The following CHODL variants were observed in gnomAD, a reference collection of about 807,000 sequenced individuals.
The protein encoded by CHODL is transmembrane protein MT75.
In CHODL, 29 loss-of-function variants were observed where a neutral mutation model predicts 34.5. That is an observed-to-expected ratio of 0.84 (90% confidence interval 0.63 to 1.15). The LOEUF is 1.15. Ranked by LOEUF, CHODL falls within the 50% of genes most tolerant of loss-of-function variation. The probability of loss-of-function intolerance (pLI) is 0.00; values close to 1 mark genes in which losing one functional copy is unlikely to be tolerated. For missense variants in CHODL, 332 were observed against 332.5 expected (o/e 1.00, Z 0.01); for synonymous variants, 125 against 116.1 (o/e 1.08, Z -0.49).
intron 2 of CHODL, among the ~76,000 whole-genome samples, chr21:18,184,796 G>A (rs2073421698): frequency 6.6e-6 from 1 of 152,148 alleles, no homozygotes; most frequent in Admixed American, 6.5e-5. Flanking sequence ...CTAAAGCCCA[G>A]TAACTGGTAT....
chr21:18,019,069 A>T (rs1025318451), intron 1 of CHODL, among the ~76,000 whole-genome samples: 9 of 152,236 alleles, frequency 5.9e-5, no homozygotes, highest in Non-Finnish European at 1.0e-4. Context: ...AACAATAAAG[A>T]TAAAAATGAT....
chr21:18,181,386 C>T (rs1391225388), intron 2 of CHODL, among the ~76,000 whole-genome samples: 1 of 152,102 alleles, frequency 6.6e-6, no homozygotes, highest in Non-Finnish European at 1.5e-5. Context: ...AACTATTAAT[C>T]ACTTTTTTGT....
At chr21:18,170,258 T>C (rs570235352) in intron 2 of CHODL, among the ~76,000 whole-genome samples, 1 of 152,102 alleles carries the variant, frequency 6.6e-6, no homozygotes, top group Non-Finnish European at 1.5e-5. Context: ...CTTTGGTTGC[T>C]CTTTGTATAG....
At position 18,265,358 on chromosome 21, in the gene CHODL, T is replaced by A. The variant is rs186382564; in HGVS notation, c.738-596T>A. ...TACTCATCCATACAAAGGAGTGAAT[T>A]AACGGCATTCACAGCGACCTGGGTA... On this transcript the variant is annotated intron_variant, in intron 5 of 5. Coordinates refer to ENST00000299295, the MANE Select transcript of CHODL (RefSeq NM_024944.3). 7.8e-3 allele frequency among the ~76,000 whole-genome samples: 1,173 copies of A among 151,310 alleles called. 10 individuals carry two copies. Among genetic ancestry groups the A allele is most frequent in the Non-Finnish European group, 0.012 (840 of 67,870 alleles).
chr21:17,993,581 C>A lies in CHODL; in HGVS notation c.-144-34291C>A, dbSNP rs146828856. 5.4e-3 allele frequency among the ~76,000 whole-genome samples: 827 copies of A among 152,230 alleles called. 6 individuals are homozygous for A. The highest frequency in any genetic ancestry group is 0.013 in the African/African-American group (547 of 41,546). The stretch of plus-strand genomic sequence containing the variant: ...TTTATGGTTACATAATATTCCATGG[C>A]AAATATGTACCACATTTTCTTTATC... On this transcript the variant is annotated intron_variant, in intron 1 of 6. Coordinates refer to the CHODL transcript ENST00000400127.
At chr21:18,218,765 T>A (rs2073855097) in intron 2 of CHODL, among the ~76,000 whole-genome samples, 1 of 152,156 alleles carries the variant, frequency 6.6e-6, no homozygotes, top group South Asian at 2.1e-4. Flanking sequence ...TCCACAGATC[T>A]CTGGGGCAGG....
At chr21:18,239,988 C>CT (rs989651845), upstream of CHODL, among the ~76,000 whole-genome samples, 1 of 151,784 alleles carries the variant, frequency 6.6e-6, no homozygotes, top group Middle Eastern at 3.4e-3. Flanking sequence ...AGATGTTAAG[C>CT]TTTTTTTTCT....
intron 5 of CHODL, among the ~76,000 whole-genome samples, chr21:18,264,076 C>T (rs923857913): frequency 6.6e-6 from 1 of 152,138 alleles, no homozygotes; most frequent in Non-Finnish European, 1.5e-5. Context: ...ACCAAAACAG[C>T]TAAATCTAAG....
chr21:18,109,307 G>C (rs941789886), intron 2 of CHODL, among the ~76,000 whole-genome samples: 1 of 152,136 alleles, frequency 6.6e-6, no homozygotes, highest in African/African-American at 2.4e-5. Context: ...ATGCTTAGTA[G>C]CTTAGCTTTT....
chr21:18,018,120 T>C lies in CHODL; in HGVS notation c.-144-9752T>C, dbSNP rs574736908. The stretch of plus-strand genomic sequence containing the variant: ...GTATCTTGGAAGTAACTAACTTGTT[T>C]TTTATTTTACAGGCTTATGGGTGGA... On this transcript the variant is annotated intron_variant, in intron 1 of 6. Coordinates refer to the CHODL transcript ENST00000400127. 3.9e-5 allele frequency among the ~76,000 whole-genome samples: 6 copies of C among 152,358 alleles called. No individual in the cohort carries two copies. In the South Asian group the frequency reaches 1.2e-3, roughly 32 times the overall value.
chr21:18,235,895 G>C (rs923791043), intron 2 of CHODL, among the ~76,000 whole-genome samples: 3 of 152,092 alleles, frequency 2.0e-5, no homozygotes, highest in African/African-American at 7.2e-5. Context: ...GAAATGAATA[G>C]TTTTCTACCT....
At chr21:18,194,307 G>A (rs1441420364) in intron 2 of CHODL, among the ~76,000 whole-genome samples, 1 of 152,114 alleles carries the variant, frequency 6.6e-6, no homozygotes, top group Non-Finnish European at 1.5e-5. Context: ...CCCAAGGCCT[G>A]TAATCAGCCC....
intron 2 of CHODL, among the ~76,000 whole-genome samples, chr21:18,114,084 A>G (rs1370595905): frequency 6.6e-6 from 1 of 152,200 alleles, no homozygotes; most frequent in African/African-American, 2.4e-5. Flanking sequence ...GTGGGATCTA[A>G]AAATCAAAGG....
In CHODL at chr21:18,042,910, A is replaced by AT. The variant is rs1001830619; in HGVS notation, c.-45+14949dup. 3.4e-3 allele frequency among the ~76,000 whole-genome samples: 512 copies of AT among 148,906 alleles called. 1 individual carries two copies. Among genetic ancestry groups the AT allele is most frequent in the Non-Finnish European group, 4.7e-3 (313 of 66,922 alleles). On this transcript the variant is annotated intron_variant, in intron 2 of 6. Coordinates refer to the CHODL transcript ENST00000400127. ...ATTTAAGAATGGTCATGTTCTGGCC[A>AT]TTTTTTTTTTGTTAACTAATTCAAA... is the stretch of plus-strand genomic sequence containing the variant.
At chr21:18,131,896 T>A (rs974511974) in intron 2 of CHODL, among the ~76,000 whole-genome samples, 40 of 152,204 alleles carry the variant, frequency 2.6e-4, no homozygotes, top group Non-Finnish European at 3.4e-4. Flanking sequence ...TTATCTTTTT[T>A]AAAAAGTTAC....
intron 1 of CHODL, among the ~76,000 whole-genome samples, chr21:17,944,616 G>GA (rs1435491954): frequency 6.6e-6 from 1 of 152,152 alleles, no homozygotes; most frequent in Non-Finnish European, 1.5e-5. Context: ...CCAAATAGTG[G>GA]AAATGCCCAA....
intron 5 of CHODL, 112 bp from the exon 6 acceptor site, chr21:18,265,842 G>C (rs1322452578): frequency 7.9e-6 from 6 of 763,634 alleles, no homozygotes; most frequent in Non-Finnish European, 1.0e-5. Context: ...ATATACTGCT[G>C]AGAGGGGGAG....
chr21:18,265,916 A>C (rs531602552), intron 5 of CHODL, 38 bp from the exon 6 acceptor site: 43 of 1,570,086 alleles, frequency 2.7e-5, no homozygotes, highest in Non-Finnish European at 3.6e-5. Flanking sequence ...TTTAATAAGA[A>C]ATTTTAGGCA....
At chr21:18,231,252 A>G (rs73204888) in intron 2 of CHODL, among the ~76,000 whole-genome samples, 10,649 of 152,226 alleles carry the variant, frequency 0.07, 462 homozygotes, top group Non-Finnish European at 0.098. Flanking sequence ...CTGCCAGCCC[A>G]CTAAAATGCT....
Sources: allele counts gnomAD v4.1 joint callset (sites outside exome capture counted in the v4.1 genomes callset), GRCh38; gene constraint gnomAD v4.1.1; transcripts MANE v1.5; gene names NCBI Gene and HGNC (gene_info 2026-07-23, HGNC 2026-07-21).